Variants in RNF8 observed in about 807,000 individuals in gnomAD.
RNF8 encodes the protein E3 ubiquitin-protein ligase RNF8.
Under a neutral mutation model 59.3 loss-of-function variants are expected in RNF8, and 8 were observed. The ratio of observed to expected loss-of-function variants is 0.13; its 90% confidence interval spans 0.08 to 0.24. The LOEUF (loss-of-function observed/expected upper bound fraction) is 0.24. Ranked by LOEUF, RNF8 falls within the 10% of genes least tolerant of loss-of-function variation. RNF8 has a pLI of 1.00. For missense variants in RNF8, 406 were observed against 572.6 expected (o/e 0.71, Z 2.97); for synonymous variants, 162 against 200.0 (o/e 0.81, Z 1.60).
chr6:37,354,887 T>C (rs575483272), intron 1 of RNF8, among the ~76,000 whole-genome samples: 3 of 152,302 alleles, frequency 2.0e-5, no homozygotes, highest in African/African-American at 7.2e-5. Flanking sequence ...TTGGGTTTTG[T>C]CCCTTAAAGC....
chr6:37,381,366 T>C lies in RNF8; in HGVS notation c.1441+12T>C. 6.2e-7 allele frequency: 1 copy of C among 1,609,154 alleles called. No homozygotes were observed. Among genetic ancestry groups the C allele is most frequent in the Non-Finnish European group, 8.5e-7 (1 of 1,175,752 alleles). On this transcript the variant is annotated intron_variant, in intron 7 of 7. Transcript: ENST00000373479. Reference sequence around the variant, plus strand: ...TAGGGAACGAAAAGGTGAGTGGGTGTGAGAATTCCTACCCCTCAAGAAAGG... The same window carrying C: ...TAGGGAACGAAAAGGTGAGTGGGTGCGAGAATTCCTACCCCTCAAGAAAGG...
At chr6:37,386,044 C>T (rs1370999336) in intron 7 of RNF8, among the ~76,000 whole-genome samples, 3 of 151,976 alleles carry the variant, frequency 2.0e-5, no homozygotes, top group Non-Finnish European at 2.9e-5. Context: ...CCATGTTGCC[C>T]AGGCTGATCT....
chr6:37,371,551 C>G lies in RNF8; in HGVS notation c.1015C>G (p.Gln339Glu), dbSNP rs1769805822. Residue 339 changes from glutamine (Q) to glutamate (E), a missense_variant, in exon 4 of 8, where the codon CAG becomes GAG. This residue lies in a region of RNF8 where 285 missense variants were observed against 342.0 expected (regional missense o/e 0.83). Coordinates refer to ENST00000373479, the MANE Select transcript of RNF8 (RefSeq NM_003958.4). ...IAQGEKDLKQ[Q>E]LAQALQEHWA... Reference sequence around the variant, plus strand: ...CCAAGGAGAAAAGGACCTGAAGCAACAGCTGGCCCAGGCTCTGCAGGAGGT... The same window carrying G: ...CCAAGGAGAAAAGGACCTGAAGCAAGAGCTGGCCCAGGCTCTGCAGGAGGT... The G allele has an allele frequency of 1.2e-5, 19 of 1,613,910 alleles. No individual in the cohort carries two copies. Among genetic ancestry groups the G allele is most frequent in the Non-Finnish European group, 1.5e-5 (18 of 1,179,956 alleles).
intron 1 of RNF8, among the ~76,000 whole-genome samples, chr6:37,355,136 T>G (rs1769065776): frequency 6.6e-6 from 1 of 152,010 alleles, no homozygotes; most frequent in Admixed American, 6.5e-5. Context: ...CGGTTCAAGA[T>G]GCACCAGCGT....
At chr6:37,378,076 C>T (rs1164376465) in intron 6 of RNF8, among the ~76,000 whole-genome samples, 1 of 152,134 alleles carries the variant, frequency 6.6e-6, no homozygotes, top group Non-Finnish European at 1.5e-5. Context: ...AGAGGATCAC[C>T]TGAGGTTAGG....
At chr6:37,365,819 A>G (rs948879455) in intron 2 of RNF8, among the ~76,000 whole-genome samples, 5 of 152,214 alleles carry the variant, frequency 3.3e-5, no homozygotes, top group African/African-American at 1.2e-4. Context: ...TATTTAAGCC[A>G]TTGTATTTGA....
chr6:37,376,926 G>A lies in RNF8; in HGVS notation c.1129G>A (p.Glu377Lys). The change falls in exon 6 of 8, where the codon GAA becomes AAA. Residue 377 changes from glutamate (E) to lysine (K), a missense_variant and splice_region_variant. Glu to Lys is a moderately conservative substitution (Grantham distance 56). Around this residue, in one of 3 missense-constraint regions of RNF8, gnomAD observed 285 missense variants for 342.0 expected, o/e 0.83. Transcript: ENST00000373479. Reference sequence around the variant, plus strand: ...ACAGGTAGGATTGTGTGTCTTGCAGGAAGAGAAGGAGAAGATGCAAGCACA... The same window carrying A: ...ACAGGTAGGATTGTGTGTCTTGCAGAAAGAGAAGGAGAAGATGCAAGCACA... The part of the protein sequence containing the change: ...AKNKELEQTK[E>K]EKEKMQAQKE... 3 of 1,609,192 alleles carry A rather than the reference G, an allele frequency of 1.9e-6. No homozygotes were observed. The highest frequency in any genetic ancestry group is 2.6e-6 in the Non-Finnish European group (3 of 1,175,700).
intron 4 of RNF8, among the ~76,000 whole-genome samples, chr6:37,373,487 G>A (rs970870756): frequency 5.9e-5 from 9 of 152,126 alleles, no homozygotes; most frequent in African/African-American, 2.2e-4. Context: ...GCTCACTGCA[G>A]CCTCCGCCTC....
chr6:37,374,119 C>A (rs1030721522), intron 4 of RNF8, among the ~76,000 whole-genome samples: 1 of 152,192 alleles, frequency 6.6e-6, no homozygotes, highest in East Asian at 1.9e-4. Context: ...GGTTAAAAAT[C>A]TTTTTTATTT....
chr6:37,369,296 C>G (rs1435586173), intron 3 of RNF8, 78 bp downstream of exon 3: 5 of 1,455,880 alleles, frequency 3.4e-6, no homozygotes, highest in Admixed American at 5.6e-5. Flanking sequence ...CCAGAGTTCT[C>G]AGTTTCTGGG....
chr6:37,372,029 C>T (rs371225248), intron 4 of RNF8, among the ~76,000 whole-genome samples: 7 of 152,294 alleles, frequency 4.6e-5, no homozygotes, highest in African/African-American at 1.7e-4. Flanking sequence ...TGCAGTTTAA[C>T]AATCAACAAC....
chr6:37,373,516 C>A (rs7752199), intron 4 of RNF8, among the ~76,000 whole-genome samples: 1,812 of 152,252 alleles, frequency 0.012, 43 homozygotes, highest in African/African-American at 0.041. Flanking sequence ...AAGTGATCCT[C>A]CCACTTCAGC....
At chr6:37,366,683 T>TCCCTCATATTTGGGTTG (rs199973644) in intron 2 of RNF8, among the ~76,000 whole-genome samples, 4,017 of 152,328 alleles carry the variant, frequency 0.026, 83 homozygotes, top group Non-Finnish European at 0.045. Context: ...AAGCCCCCTG[T>TCCCTCATATTTGGGTTG]CCCTCATATT....
At chr6:37,381,079 T>C (rs1770241124) in intron 6 of RNF8, 71 bp from the exon 7 acceptor site, 2 of 1,359,954 alleles carry the variant, frequency 1.5e-6, no homozygotes, top group Admixed American at 1.7e-5. Context: ...CTGTCCTAAC[T>C]TTGAGATCAC....
chr6:37,379,344 T>G (rs1027109508), intron 6 of RNF8, among the ~76,000 whole-genome samples: 2 of 152,188 alleles, frequency 1.3e-5, no homozygotes, highest in Non-Finnish European at 2.9e-5. Flanking sequence ...CAGTACTGTT[T>G]ATGAGAGCTT....
At chr6:37,362,360 G>A (rs769333237) in intron 2 of RNF8, among the ~76,000 whole-genome samples, 10 of 152,144 alleles carry the variant, frequency 6.6e-5, no homozygotes, top group Middle Eastern at 3.2e-3. Flanking sequence ...ACTGTGCTCC[G>A]GGCTCACTCT....
At chr6:37,377,061 C>CTTT (rs35985063) in intron 6 of RNF8, 28 bp downstream of exon 6, 3,133 of 257,356 alleles carry the variant, frequency 0.012, 11 homozygotes, top group South Asian at 0.019. Flanking sequence ...CTCACCCCTT[C>CTTT]TTTTTTTTTT....
chr6:37,354,164 G>T lies in RNF8; in HGVS notation c.-1G>T. ...TGACCGCCCCCGGGGTCGAGTAGGC[G>T]ATGGGGGAGCCCGGCTTCTTCGTCA... On this transcript the variant is annotated 5_prime_UTR_variant, in exon 1 of 8. Coordinates refer to ENST00000373479, the MANE Select transcript of RNF8 (RefSeq NM_003958.4). 6.4e-7 allele frequency: 1 copy of T among 1,572,300 alleles called. No homozygotes were observed. The highest frequency in any genetic ancestry group is 8.6e-7 in the Non-Finnish European group (1 of 1,159,512).
chr6:37,375,924 C>T lies in RNF8; in HGVS notation c.1129-1002C>T, dbSNP rs78839002. On this transcript the variant is annotated intron_variant, in intron 5 of 7. Transcript: ENST00000373479. ...AGCCTCCTTAAAAAGTGTGTCCACA[C>T]GCAGTCTGACCTCTTGGGGAAAGCC... 3.7e-3 allele frequency among the ~76,000 whole-genome samples: 566 copies of T among 152,284 alleles called. 1 individual carries two copies. Among genetic ancestry groups the T allele is most frequent in the African/African-American group, 0.012 (501 of 41,556 alleles).
Sources: gnomAD v4.1 joint callset for allele counts (sites outside exome capture counted in the v4.1 genomes callset) on GRCh38, gnomAD v4.1.1 for gene constraint, gnomAD v4.1.1 regional missense constraint, MANE v1.5 for transcripts, NCBI Gene and HGNC (gene_info 2026-07-23, HGNC 2026-07-21) for gene names.